THSD4: variants seen among roughly 807,000 people sequenced by gnomAD.
The protein encoded by THSD4 is thrombospondin type-1 domain-containing protein 4.
THSD4 carries 69 observed loss-of-function variants against 119.0 expected under a neutral mutation model. The observed-to-expected ratio is 0.58, with a 90% CI of 0.48 to 0.71. The LOEUF is 0.71. THSD4 is among the 30% of genes least tolerant of loss of function. The pLI is 0.00. For missense variants in THSD4, 1,393 were observed against 1,391.1 expected (o/e 1.00, Z -0.02); for synonymous variants, 524 against 540.4 (o/e 0.97, Z 0.42).
rs144365508 is a variant in THSD4 at position 71,706,168 on chromosome 15, T to C, written c.1358-22381T>C. On this transcript the variant is annotated intron_variant, in intron 8 of 17. Transcript: ENST00000261862. ...GGCTGGCCTTCCGAACAGAAGACAG[T>C]GTGGGCACCAACCTGGGGTGTGGAA... 3.0e-3 allele frequency among the ~76,000 whole-genome samples: 452 copies of C among 152,216 alleles called. 2 individuals are homozygous for C. Among genetic ancestry groups the C allele is most frequent in the African/African-American group, 0.011 (438 of 41,536 alleles).
chr15:71,526,672 C>G (rs7162997), intron 7 of THSD4, among the ~76,000 whole-genome samples: 2 of 152,088 alleles, frequency 1.3e-5, no homozygotes, highest in South Asian at 4.1e-4. Flanking sequence ...GTGCAAATGT[C>G]GAGACTTTGA....
At chr15:71,358,566 T>C (rs1419472447) in intron 6 of THSD4, among the ~76,000 whole-genome samples, 1 of 152,208 alleles carries the variant, frequency 6.6e-6, no homozygotes, top group Non-Finnish European at 1.5e-5. Context: ...AAGCCACTTA[T>C]CAACAGCATG....
At chr15:71,537,751 T>A (rs182267347) in intron 7 of THSD4, among the ~76,000 whole-genome samples, 88 of 151,918 alleles carry the variant, frequency 5.8e-4, no homozygotes, top group African/African-American at 1.6e-3. Context: ...TTTAAAAAAA[T>A]TTTTTTTTAT....
intron 8 of THSD4, among the ~76,000 whole-genome samples, chr15:71,688,705 CTCTGTGTGTGTGTG>C (rs1176041179): frequency 4.6e-5 from 4 of 86,086 alleles, no homozygotes; most frequent in Admixed American, 1.7e-4. Flanking sequence ...TGTTTTGTAT[CTCTGTGTGTGTGTG>C]TGTGTGTGTG....
At chr15:71,425,277 C>T (rs2046853433) in intron 7 of THSD4, among the ~76,000 whole-genome samples, 1 of 152,192 alleles carries the variant, frequency 6.6e-6, no homozygotes, top group Non-Finnish European at 1.5e-5. Context: ...GTTAATTGTA[C>T]ACAGTAAATG....
At chr15:71,629,470 G>T (rs746905085) in intron 7 of THSD4, among the ~76,000 whole-genome samples, 2 of 152,126 alleles carry the variant, frequency 1.3e-5, no homozygotes, top group Non-Finnish European at 2.9e-5. Context: ...CTGGGCCTCC[G>T]TGTTCCCTGT....
chr15:71,635,346 G>A (rs2050718552), intron 7 of THSD4, among the ~76,000 whole-genome samples: 1 of 142,388 alleles, frequency 7.0e-6, no homozygotes, highest in African/African-American at 2.6e-5. Context: ...CTGCCAAGCA[G>A]GAGATTTAGT....
chr15:71,572,919 G>C (rs2049383939), intron 7 of THSD4, among the ~76,000 whole-genome samples: 1 of 152,154 alleles, frequency 6.6e-6, no homozygotes, highest in Non-Finnish European at 1.5e-5. Context: ...TCTGGCCTGA[G>C]TTTAAGATAC....
intron 7 of THSD4, among the ~76,000 whole-genome samples, chr15:71,637,112 C>T (rs943106709): frequency 6.6e-6 from 1 of 152,104 alleles, no homozygotes; most frequent in African/African-American, 2.4e-5. Flanking sequence ...GTCTTGAACT[C>T]CTGACCTCAA....
intron 6 of THSD4, among the ~76,000 whole-genome samples, chr15:71,281,569 C>T (rs566024896): frequency 3.9e-5 from 6 of 152,160 alleles, no homozygotes; most frequent in Non-Finnish European, 5.9e-5. Context: ...GGTTGCAAAA[C>T]GATTCTTCAT....
rs2044998402 is a variant in THSD4, at chr15:71,304,632, G to C, written c.1015+47917G>C. Among the ~76,000 whole-genome samples the C allele has an allele frequency of 3.3e-5, 5 of 152,184 alleles. No individual in the cohort carries two copies. In the South Asian group the frequency reaches 6.2e-4, roughly 19 times the overall value. ...CACAAGAACATTACCTAAGAACTTT[G>C]AAATTATTTTCAGAGAATTCAGGTG... On this transcript the variant is annotated intron_variant, in intron 6 of 17. Coordinates refer to ENST00000261862, the MANE Select transcript of THSD4 (RefSeq NM_024817.3).
At chr15:71,367,343 G>T (rs894043647) in intron 6 of THSD4, among the ~76,000 whole-genome samples, 2 of 151,994 alleles carry the variant, frequency 1.3e-5, no homozygotes, top group African/African-American at 4.8e-5. Flanking sequence ...TGCACAACGT[G>T]CAGGTTTGTT....
chr15:71,246,929 GC>G (rs1477142136), intron 5 of THSD4, among the ~76,000 whole-genome samples: 12 of 120,534 alleles, frequency 1.0e-4, no homozygotes, highest in African/African-American at 3.7e-4. Flanking sequence ...TTGCTCTGTT[GC>G]CCAGGCTGGA....
chr15:71,735,466 C>CTT (rs2053066404), intron 10 of THSD4, among the ~76,000 whole-genome samples: 1 of 151,140 alleles, frequency 6.6e-6, no homozygotes, highest in East Asian at 2.0e-4. Flanking sequence ...CTCTCTCTCT[C>CTT]TCTCTTTCTC....
chr15:71,747,017 G>A lies in THSD4; in HGVS notation c.2216G>A (p.Trp739Ter). 6.2e-7 allele frequency: 1 copy of A among 1,611,430 alleles called. No individual in the cohort carries two copies. The highest frequency in any genetic ancestry group is 8.5e-7 in the Non-Finnish European group (1 of 1,179,566). Residue 739 changes from tryptophan (W) to a stop codon, truncating the protein, a stop_gained, in exon 13 of 18, where the codon TGG (tryptophan) becomes TAG (stop). Transcript: ENST00000261862. LOFTEE classifies it high-confidence loss of function. ...STCQLKICSE[W>*]QIRTDWTSCS... ...TGCCAACTCAAGATCTGCAGCGAGT[G>A]GCAGATCCGGACCGACTGGACCTCG...
At chr15:71,292,290 C>G (rs1051763141) in intron 6 of THSD4, among the ~76,000 whole-genome samples, 3 of 152,056 alleles carry the variant, frequency 2.0e-5, no homozygotes, top group Non-Finnish European at 4.4e-5. Flanking sequence ...CGGGGAGGGC[C>G]TTTGAATATC....
chr15:71,743,517 G>A (rs2053276070), intron 11 of THSD4, among the ~76,000 whole-genome samples: 2 of 152,146 alleles, frequency 1.3e-5, no homozygotes, highest in Non-Finnish European at 2.9e-5. Flanking sequence ...TTAAAAATCT[G>A]TTCTATTTAA....
At chr15:71,334,783 C>T (rs1360627044) in intron 6 of THSD4, among the ~76,000 whole-genome samples, 1 of 152,122 alleles carries the variant, frequency 6.6e-6, no homozygotes, top group Non-Finnish European at 1.5e-5. Flanking sequence ...GACCTGTGGC[C>T]CTCATAGTGC....
chr15:71,737,004 TTC>T (rs1371278071), intron 10 of THSD4, among the ~76,000 whole-genome samples: 1 of 152,234 alleles, frequency 6.6e-6, no homozygotes, highest in African/African-American at 2.4e-5. Context: ...ATATTGTCAT[TTC>T]TTCATGTCGG....
Sources: allele counts gnomAD v4.1 joint callset (sites outside exome capture counted in the v4.1 genomes callset), GRCh38; gene constraint gnomAD v4.1.1; transcripts MANE v1.5; gene names NCBI Gene and HGNC (gene_info 2026-07-23, HGNC 2026-07-21).